Variants in CCDC91 observed in about 807,000 individuals in gnomAD.
CCDC91 encodes the protein coiled-coil domain containing 91.
CCDC91 carries 48 observed loss-of-function variants against 63.2 expected under a neutral mutation model. The observed-to-expected ratio is 0.76, with a 90% confidence interval of 0.60 to 0.97. CCDC91 has a LOEUF of 0.97. Among genes scored for constraint, CCDC91 ranks in the 50% least tolerant of loss-of-function variants. The pLI is 0.00. For missense variants in CCDC91, 500 were observed against 494.6 expected, an observed-to-expected ratio of 1.01 and a Z score of -0.10; for synonymous variants, 167 against 165.8, an observed-to-expected ratio of 1.01 and a Z score of -0.06.
At chr12:28,205,514 C>T (rs1233454609) in intron 1 of CCDC91, among the ~76,000 whole-genome samples, 1 of 152,118 alleles carries the variant, frequency 6.6e-6, no homozygotes, top group Non-Finnish European at 1.5e-5. Context: ...TTTAATTGAG[C>T]AATGAACAAT....
At chr12:28,304,558 A>G (rs139907942) in intron 3 of CCDC91, 1 of 527,212 alleles carries the variant, frequency 1.9e-6, no homozygotes, top group African/African-American at 2.0e-5. Context: ...TTCTTAGAAT[A>G]TCAATCACAA....
chr12:28,470,305 T>A (rs774071126), intron 11 of CCDC91, among the ~76,000 whole-genome samples: 5 of 152,024 alleles, frequency 3.3e-5, no homozygotes, highest in African/African-American at 4.8e-5. Flanking sequence ...AAAGAAGACA[T>A]ACAAATGACA....
chr12:28,201,575 C>A (rs1942424632), intron 1 of CCDC91, among the ~76,000 whole-genome samples: 1 of 144,692 alleles, frequency 6.9e-6, no homozygotes, highest in Non-Finnish European at 1.5e-5. Flanking sequence ...CTCCTCACGT[C>A]CCAGGCGATG....
chr12:28,474,267 T>C (rs1484332890), intron 11 of CCDC91, among the ~76,000 whole-genome samples: 2 of 151,446 alleles, frequency 1.3e-5, no homozygotes, highest in Admixed American at 1.3e-4. Flanking sequence ...AAGTTAAAAA[T>C]GATAATAATG....
At chr12:28,520,895 T>C (rs575050576) in intron 12 of CCDC91, among the ~76,000 whole-genome samples, 1 of 152,250 alleles carries the variant, frequency 6.6e-6, no homozygotes, top group South Asian at 2.1e-4. Flanking sequence ...TGTGTGGTAT[T>C]ATTTCTGAGT....
rs892610744 is a variant in CCDC91 at position 28,299,452 on chromosome 12, T to C, written c.110-6197T>C. Among the ~76,000 whole-genome samples the C allele has an allele frequency of 1.3e-4, 20 of 151,740 alleles. No individual in the cohort carries two copies. In the East Asian group the frequency reaches 1.4e-3, roughly 10 times the overall value. ...CCCCTCCCTCTCTCATACTGTGTTATGTGATCAGGTTATTCATTTGCAAGT... is the reference window on the plus strand; with the variant it reads ...CCCCTCCCTCTCTCATACTGTGTTACGTGATCAGGTTATTCATTTGCAAGT... On this transcript the variant is annotated intron_variant, in intron 3 of 12. Coordinates refer to ENST00000536442, the MANE Select transcript of CCDC91 (RefSeq NM_018318.5).
At chr12:28,394,879 A>G (rs925058377) in intron 8 of CCDC91, among the ~76,000 whole-genome samples, 5 of 152,040 alleles carry the variant, frequency 3.3e-5, no homozygotes, top group African/African-American at 4.8e-5. Context: ...TTTTTCCTCT[A>G]TGGATGAGAT....
intron 6 of CCDC91, among the ~76,000 whole-genome samples, chr12:28,312,166 A>T (rs1939391964): frequency 6.6e-6 from 1 of 152,058 alleles, no homozygotes; most frequent in African/African-American, 2.4e-5. Flanking sequence ...AAGTTAAAAT[A>T]CATTAATTTG....
rs1048461534 is a variant in CCDC91 at position 28,529,283 on chromosome 12, T to C, written c.1216-19780T>C. ...TTTATTCAGAATCTTCCGCAGAGCT[T>C]TGCCTAGAACAGCACACAGGTTTGA... On this transcript the variant is annotated intron_variant, in intron 12 of 12. Transcript: ENST00000536442. Among the ~76,000 whole-genome samples, 22 of 152,338 alleles carry C rather than the reference T, an allele frequency of 1.4e-4. No homozygotes were observed. The South Asian group carries it at 2.5e-3, about 17-fold the overall frequency.
intron 1 of CCDC91, among the ~76,000 whole-genome samples, chr12:28,249,454 C>A (rs1945977275): frequency 6.6e-6 from 1 of 152,134 alleles, no homozygotes; most frequent in African/African-American, 2.4e-5. Flanking sequence ...GAAATGAGGT[C>A]TCCCACAGGT....
At chr12:28,383,625 T>G (rs1382746842) in intron 7 of CCDC91, among the ~76,000 whole-genome samples, 3 of 152,136 alleles carry the variant, frequency 2.0e-5, no homozygotes, top group Admixed American at 2.0e-4. Flanking sequence ...ACCATGATCC[T>G]GGACTTGAAT....
At chr12:28,370,829 G>T (rs1171916944) in intron 7 of CCDC91, among the ~76,000 whole-genome samples, 1 of 152,154 alleles carries the variant, frequency 6.6e-6, no homozygotes, top group Admixed American at 6.5e-5. Context: ...GCAGGAGAGA[G>T]AGAGAGAGCG....
chr12:28,259,740 C>A (rs757402492), intron 3 of CCDC91, among the ~76,000 whole-genome samples: 3 of 151,760 alleles, frequency 2.0e-5, no homozygotes, highest in Non-Finnish European at 4.4e-5. Context: ...TGCCCAATAA[C>A]TTTTTTAGGT....
At chr12:28,340,201 A>G (rs993383288) in intron 6 of CCDC91, among the ~76,000 whole-genome samples, 2 of 152,246 alleles carry the variant, frequency 1.3e-5, no homozygotes, top group African/African-American at 4.8e-5. Flanking sequence ...ATTTTGGGAA[A>G]CATAGCTATA....
chr12:28,223,936 T>C (rs1201624162), intron 1 of CCDC91, among the ~76,000 whole-genome samples: 1 of 152,272 alleles, frequency 6.6e-6, no homozygotes, highest in African/African-American at 2.4e-5. Flanking sequence ...CAGTGTTTCC[T>C]TGGTAGTTCT....
At chr12:28,385,165 G>A (rs1406880281) in intron 7 of CCDC91, among the ~76,000 whole-genome samples, 1 of 152,084 alleles carries the variant, frequency 6.6e-6, no homozygotes, top group African/African-American at 2.4e-5. Flanking sequence ...GAAAAAAGAT[G>A]TTTAAATAAT....
intron 8 of CCDC91, among the ~76,000 whole-genome samples, chr12:28,425,203 A>G (rs753445033): frequency 3.9e-5 from 6 of 152,146 alleles, no homozygotes; most frequent in Non-Finnish European, 5.9e-5. Context: ...CTTCCTGGCT[A>G]GCTATGCTCT....
intron 11 of CCDC91, among the ~76,000 whole-genome samples, chr12:28,458,028 G>A (rs1187624522): frequency 3.3e-5 from 5 of 151,920 alleles, no homozygotes; most frequent in African/African-American, 4.8e-5. Context: ...ATGTTTTCCC[G>A]AGAAGCCACA....
At chr12:28,518,095 T>A (rs762816408) in intron 12 of CCDC91, among the ~76,000 whole-genome samples, 5 of 152,024 alleles carry the variant, frequency 3.3e-5, no homozygotes, top group Non-Finnish European at 7.4e-5. Context: ...GCTATAAACA[T>A]GTGTGTGCAA....
Sources: allele counts gnomAD v4.1 joint callset (sites outside exome capture counted in the v4.1 genomes callset), GRCh38; gene constraint gnomAD v4.1.1; transcripts MANE v1.5; gene names NCBI Gene and HGNC (gene_info 2026-07-23, HGNC 2026-07-21).